The following SNX1 variants were observed in gnomAD, a reference collection of about 807,000 sequenced individuals.
SNX1 encodes the protein sorting nexin 1.
A neutral mutation model predicts 71.8 loss-of-function variants in SNX1; 36 were observed. That is an observed-to-expected ratio of 0.50 (90% CI 0.38 to 0.66). The LOEUF (loss-of-function observed/expected upper bound fraction) is 0.66, where lower values mean the gene tolerates loss of function less well. SNX1 is among the 30% of genes least tolerant of loss of function. The pLI is 0.00. For missense variants in SNX1, 612 were observed against 646.7 expected, an observed-to-expected ratio of 0.95 and a Z score of 0.58; for synonymous variants, 254 against 240.7, an observed-to-expected ratio of 1.06 and a Z score of -0.51.
intron 11 of SNX1, among the ~76,000 whole-genome samples, chr15:64,132,093 C>T (rs2081313188): frequency 6.6e-6 from 1 of 152,238 alleles, no homozygotes; most frequent in African/African-American, 2.4e-5. Context: ...TTGAGCCCCA[C>T]AGCCAAGATT....
intron 1 of SNX1, among the ~76,000 whole-genome samples, chr15:64,108,707 G>T (rs779838913): frequency 6.6e-6 from 1 of 152,176 alleles, no homozygotes; most frequent in Non-Finnish European, 1.5e-5. Context: ...TATCAAAAGA[G>T]TTGGGCACAG....
chr15:64,107,091 G>A (rs868861739), intron 1 of SNX1, among the ~76,000 whole-genome samples: 9 of 152,104 alleles, frequency 5.9e-5, no homozygotes, highest in Non-Finnish European at 1.0e-4. Flanking sequence ...TATAGCTCCT[G>A]GGATAGATTT....
chr15:64,121,331 A>G (rs1462465200), intron 4 of SNX1, among the ~76,000 whole-genome samples: 1 of 152,168 alleles, frequency 6.6e-6, no homozygotes, highest in East Asian at 1.9e-4. Flanking sequence ...CTCCCTGTGA[A>G]GGTGCTAGGG....
rs574778307 is a variant in SNX1 at position 64,101,795 on chromosome 15, A to G, written c.159+5623A>G. Among the ~76,000 whole-genome samples, 6 of 152,364 alleles carry G rather than the reference A, an allele frequency of 3.9e-5. No homozygotes were observed. In the East Asian group the frequency reaches 9.6e-4, roughly 24 times the overall value. On this transcript the variant is annotated intron_variant, in intron 1 of 14. Coordinates refer to ENST00000559844, the MANE Select transcript of SNX1 (RefSeq NM_003099.5). ...AACAGATACCAAATTACAGCTAGAT[A>G]GGAGGACTGAGCTCTCTTATTCTGC...
At position 64,126,219 on chromosome 15, in the gene SNX1, A is replaced by G; in HGVS notation, c.651A>G (p.Ile217Met). 1 of 1,612,206 alleles carries G rather than the reference A, an allele frequency of 6.2e-7. No individual in the cohort carries two copies. Among genetic ancestry groups the G allele is most frequent in the Non-Finnish European group, 8.5e-7 (1 of 1,179,570 alleles). Residue 217 changes from isoleucine to methionine, a missense_variant and splice_region_variant, in exon 6 of 15, where the codon ATA becomes ATG. Around this residue, in one of 2 missense-constraint regions of SNX1, gnomAD observed 316 missense variants for 284.9 expected, o/e 1.11. Coordinates refer to ENST00000559844, the MANE Select transcript of SNX1 (RefSeq NM_003099.5). Reference sequence around the variant, plus strand: ...CTCCGCCCCCGGAGAAGAGCCTCATAGGTAAGCCTGTGGTCTTTCATTCCA... The same window carrying G: ...CTCCGCCCCCGGAGAAGAGCCTCATGGGTAAGCCTGTGGTCTTTCATTCCA... ...IVPPPPEKSL[I>M]GMTKVKVGKE...
At chr15:64,112,168 A>G (rs1459484794) in intron 1 of SNX1, among the ~76,000 whole-genome samples, 1 of 152,242 alleles carries the variant, frequency 6.6e-6, no homozygotes, top group Non-Finnish European at 1.5e-5. Context: ...CTACAGAGTA[A>G]GCATGGGTCA....
intron 5 of SNX1, among the ~76,000 whole-genome samples, chr15:64,124,164 A>ATATATATATATG (rs1156917150): frequency 7.2e-6 from 1 of 139,186 alleles, no homozygotes; most frequent in Non-Finnish European, 1.5e-5. Flanking sequence ...ATATATATAT[A>ATATATATATATG]TATATATATA....
Position 64,138,287 on chromosome 15 carries a change from C to G in SNX1, c.*669C>G. 8.0e-7 allele frequency: 1 copy of G among 1,245,578 alleles called. No individual in the cohort carries two copies. The highest frequency in any genetic ancestry group is 1.1e-6 in the Non-Finnish European group (1 of 944,662). The allele number at this position is 1,245,578 out of a possible 1,614,324, so 77.2% of individuals were successfully genotyped here. On this transcript the variant is annotated 3_prime_UTR_variant, in exon 15 of 15. Transcript: ENST00000559844. ...TAAGAGGAGCAAAATCTATTAAAACCTATTCTCCTGCAAAGGAGGCAGAGA... is the reference window on the plus strand; with the variant it reads ...TAAGAGGAGCAAAATCTATTAAAACGTATTCTCCTGCAAAGGAGGCAGAGA...
intron 6 of SNX1, 120 bp from the exon 7 acceptor site, chr15:64,127,054 A>C (rs1486727979): frequency 1.3e-5 from 9 of 714,560 alleles, no homozygotes; most frequent in East Asian, 8.2e-5. Context: ...ATAACATAGA[A>C]GTGGCCTTAG....
chr15:64,101,941 T>A (rs2080966375), intron 1 of SNX1, among the ~76,000 whole-genome samples: 1 of 152,250 alleles, frequency 6.6e-6, no homozygotes, highest in Admixed American at 6.5e-5. Flanking sequence ...ATGCTGGATA[T>A]ACTAATTATC....
chr15:64,136,104 C>T (rs1193336717), intron 12 of SNX1, among the ~76,000 whole-genome samples: 5 of 152,188 alleles, frequency 3.3e-5, no homozygotes, highest in Non-Finnish European at 7.4e-5. Flanking sequence ...CACTTGGTCC[C>T]AGATGCCTGA....
Position 64,136,944 on chromosome 15 carries a change from G to A in SNX1, c.1518+12G>A, listed in dbSNP as rs1043064827. On this transcript the variant is annotated intron_variant, in intron 14 of 14. Transcript: ENST00000559844. ...ACTCACAGCAGCAGGTATGTAAGTT[G>A]TGTGTGACCTTCATCCTCTACTGCC... 2.5e-6 allele frequency: 4 copies of A among 1,610,752 alleles called. No individual in the cohort carries two copies. Among genetic ancestry groups the A allele is most frequent in the Non-Finnish European group, 3.4e-6 (4 of 1,177,366 alleles).
At chr15:64,125,772 AT>A (rs1166738154) in intron 5 of SNX1, among the ~76,000 whole-genome samples, 4 of 151,882 alleles carry the variant, frequency 2.6e-5, no homozygotes, top group South Asian at 2.1e-4. Context: ...CTGTATTTGA[AT>A]TTTTTTTTCT....
intron 6 of SNX1, among the ~76,000 whole-genome samples, chr15:64,126,964 A>G (rs1256930134): frequency 1.3e-5 from 2 of 152,128 alleles, no homozygotes; most frequent in East Asian, 3.9e-4. Flanking sequence ...TGCAAGTCCT[A>G]GAGTTTAGAA....
Position 64,126,202 on chromosome 15 carries a change from C to G in SNX1, c.634C>G (p.Pro212Ala). ...SQNGFIVPPP[P>A]EKSLIGMTKV... ...GAATGGCTTCATTGTCCCTCCGCCC[C>G]CGGAGAAGAGCCTCATAGGTAAGCC... The change falls in exon 6 of 15, where the codon CCG becomes GCG. Residue 212 changes from proline (P) to alanine (A), a missense_variant. By Grantham distance (27) the Pro-to-Ala change is conservative. Coordinates refer to ENST00000559844, the MANE Select transcript of SNX1 (RefSeq NM_003099.5). 6.2e-7 allele frequency: 1 copy of G among 1,613,912 alleles called. No individual in the cohort carries two copies. Among genetic ancestry groups the G allele is most frequent in the Non-Finnish European group, 8.5e-7 (1 of 1,179,968 alleles).
chr15:64,116,232 G>A (rs2081127609), intron 2 of SNX1, among the ~76,000 whole-genome samples: 1 of 152,172 alleles, frequency 6.6e-6, no homozygotes, highest in Admixed American at 6.5e-5. Context: ...AATGGAAGTG[G>A]TTCATCATAA....
intron 2 of SNX1, among the ~76,000 whole-genome samples, chr15:64,115,076 A>G (rs902559009): frequency 2.0e-5 from 3 of 152,252 alleles, no homozygotes; most frequent in Admixed American, 6.5e-5. Context: ...TGAATTTTCT[A>G]TCTTTGGGAC....
intron 2 of SNX1, among the ~76,000 whole-genome samples, chr15:64,117,242 T>G (rs2081138834): frequency 6.6e-6 from 1 of 152,188 alleles, no homozygotes; most frequent in African/African-American, 2.4e-5. Context: ...ATATCTGAAC[T>G]TCTTTTACAA....
At chr15:64,135,394 C>G (rs566510988) in intron 12 of SNX1, among the ~76,000 whole-genome samples, 292 of 150,656 alleles carry the variant, frequency 1.9e-3, no homozygotes, top group African/African-American at 6.8e-3. Context: ...GCCACCGCGC[C>G]CGGCCGAGGT....
Sources: gnomAD v4.1 joint callset for allele counts (sites outside exome capture counted in the v4.1 genomes callset) on GRCh38, gnomAD v4.1.1 for gene constraint, gnomAD v4.1.1 regional missense constraint, MANE v1.5 for transcripts, NCBI Gene and HGNC (gene_info 2026-07-23, HGNC 2026-07-21) for gene names.